Variants in RABGAP1 observed in about 807,000 individuals in gnomAD.
RABGAP1 encodes RAB GTPase activating protein 1.
A neutral mutation model predicts 137.6 loss-of-function variants in RABGAP1; 23 were observed. The ratio of observed to expected loss-of-function variants is 0.17; its 90% confidence interval spans 0.12 to 0.24. The LOEUF (loss-of-function observed/expected upper bound fraction) is 0.24. Among genes scored for constraint, RABGAP1 ranks in the 10% least tolerant of loss-of-function variants. RABGAP1 has a pLI of 1.00. For missense variants in RABGAP1, 906 were observed against 1,275.8 expected (o/e 0.71, Z 4.42); for synonymous variants, 451 against 450.7 (o/e 1.00, Z -0.01).
At chr9:123,063,550 C>T (rs1347265961) in intron 13 of RABGAP1, among the ~76,000 whole-genome samples, 1 of 152,194 alleles carries the variant, frequency 6.6e-6, no homozygotes, top group African/African-American at 2.4e-5. Flanking sequence ...TTATCCTTTG[C>T]CAACACTTCT....
At position 122,974,730 on chromosome 9, in the gene RABGAP1, A is replaced by T. The variant is rs150933094; in HGVS notation, c.151-9755A>T. 2.9e-3 allele frequency among the ~76,000 whole-genome samples: 445 copies of T among 152,348 alleles called. 2 individuals carry two copies. Among genetic ancestry groups the T allele is most frequent in the African/African-American group, 0.01 (421 of 41,588 alleles). On this transcript the variant is annotated intron_variant, in intron 2 of 25. Coordinates refer to ENST00000373647, the MANE Select transcript of RABGAP1 (RefSeq NM_012197.4). The stretch of plus-strand genomic sequence containing the variant: ...CTGTCTTCAGTTGACTTTTCAGGAT[A>T]AATTCACAAGCTGCTGTTCTTTCCC...
intron 13 of RABGAP1, among the ~76,000 whole-genome samples, chr9:123,044,950 G>A (rs1233678653): frequency 6.6e-6 from 1 of 152,104 alleles, no homozygotes. Context: ...AGACTGTAAT[G>A]AAGTGATCTA....
intron 1 of RABGAP1, among the ~76,000 whole-genome samples, chr9:122,950,377 C>CTTTTTTTTTTTTTTTTTTTTTTTTTTTGT (rs200424486): frequency 1.3e-5 from 1 of 74,492 alleles, no homozygotes; most frequent in Non-Finnish European, 2.4e-5. Context: ...CTTTTTCTTT[C>CTTTTTTTTTTTTTTTTTTTTTTTTTTTGT]TTTTTTTTTT....
intron 12 of RABGAP1, 127 bp downstream of exon 12, chr9:123,015,763 C>T (rs1289289807): frequency 3.6e-5 from 21 of 585,286 alleles, no homozygotes; most frequent in Non-Finnish European, 6.2e-5. Context: ...ATTCTGTGAT[C>T]TATTTTAGGG....
At chr9:122,965,175 G>A (rs1053834822) in intron 2 of RABGAP1, among the ~76,000 whole-genome samples, 3 of 152,120 alleles carry the variant, frequency 2.0e-5, no homozygotes, top group African/African-American at 7.2e-5. Context: ...ACTGATACAT[G>A]CTACTACATA....
chr9:123,052,147 C>T (rs1476312729), intron 13 of RABGAP1, among the ~76,000 whole-genome samples: 1 of 151,992 alleles, frequency 6.6e-6, no homozygotes, highest in African/African-American at 2.4e-5. Flanking sequence ...ATTATAACTC[C>T]AACTCAATAC....
chr9:122,963,047 T>G (rs1379207609), intron 2 of RABGAP1, among the ~76,000 whole-genome samples: 1 of 152,066 alleles, frequency 6.6e-6, no homozygotes, highest in Non-Finnish European at 1.5e-5. Flanking sequence ...CAATTACATA[T>G]CTAATAACCA....
chr9:123,080,795 A>G (rs55666488), intron 19 of RABGAP1, among the ~76,000 whole-genome samples: 4,883 of 152,176 alleles, frequency 0.032, 141 homozygotes, highest in Non-Finnish European at 0.039. Context: ...TTGCTCTGCA[A>G]CTCACTGAAA....
At chr9:122,943,033 A>C (rs1469568805) in intron 1 of RABGAP1, among the ~76,000 whole-genome samples, 3 of 146,510 alleles carry the variant, frequency 2.0e-5, no homozygotes, top group Non-Finnish European at 3.0e-5. Context: ...TAAAAAAACA[A>C]CAAAAAATCT....
chr9:122,941,282 C>T (rs914069503), intron 1 of RABGAP1, among the ~76,000 whole-genome samples, 189 bp downstream of exon 1: 1 of 152,156 alleles, frequency 6.6e-6, no homozygotes, highest in Non-Finnish European at 1.5e-5. Flanking sequence ...GGGGGAACTG[C>T]GACGGAGGGG....
chr9:123,016,730 T>C (rs2031257795), intron 12 of RABGAP1, among the ~76,000 whole-genome samples: 1 of 152,184 alleles, frequency 6.6e-6, no homozygotes, highest in Admixed American at 6.5e-5. Context: ...TCAAATAAAC[T>C]CCCTATTGGC....
rs913680955 is a variant in RABGAP1, at chr9:123,070,021, G to A, written c.1909-329G>A. Reference sequence around the variant, plus strand: ...TTTGGTGCCTGAAGGAAGAGTGCATGTTTGAGGCAGAGAGGGAAAGGACAT... The same window carrying A: ...TTTGGTGCCTGAAGGAAGAGTGCATATTTGAGGCAGAGAGGGAAAGGACAT... On this transcript the variant is annotated intron_variant, in intron 14 of 25. Coordinates refer to ENST00000373647, the MANE Select transcript of RABGAP1 (RefSeq NM_012197.4). This position sits in a 1 kb window ranked among gnomAD's most constrained non-coding sequence, Gnocchi z 4.4. Among the ~76,000 whole-genome samples, 3 of 152,198 alleles carry A rather than the reference G, an allele frequency of 2.0e-5. No homozygotes were observed. Among genetic ancestry groups the A allele is most frequent in the Non-Finnish European group, 4.4e-5 (3 of 68,028 alleles).
chr9:123,027,642 G>GAATGTT (rs1324350189), intron 13 of RABGAP1, among the ~76,000 whole-genome samples: 1 of 152,190 alleles, frequency 6.6e-6, no homozygotes, highest in Non-Finnish European at 1.5e-5. Context: ...TAGCAAAAAA[G>GAATGTT]AATGTTGGCC....
chr9:123,086,520 C>G (rs2034871337), intron 19 of RABGAP1, among the ~76,000 whole-genome samples: 1 of 152,120 alleles, frequency 6.6e-6, no homozygotes, highest in Admixed American at 6.5e-5. Flanking sequence ...CTTCTGGTTC[C>G]CCATTCGGGT....
chr9:123,010,619 G>A (rs1255852738), intron 11 of RABGAP1, 91 bp downstream of exon 11: 2 of 1,199,066 alleles, frequency 1.7e-6, no homozygotes, highest in Middle Eastern at 2.2e-4. Context: ...ATGTGATACG[G>A]CATTTATAAT....
chr9:123,025,400 A>G (rs1438318127), intron 13 of RABGAP1, among the ~76,000 whole-genome samples: 6 of 152,190 alleles, frequency 3.9e-5, no homozygotes, highest in Admixed American at 6.5e-5. Flanking sequence ...AAAATCTTTT[A>G]TCCAATCTCA....
At chr9:123,067,939 T>G (rs2034230962) in intron 14 of RABGAP1, among the ~76,000 whole-genome samples, 1 of 152,200 alleles carries the variant, frequency 6.6e-6, no homozygotes, top group Non-Finnish European at 1.5e-5. Flanking sequence ...GCATAATTGG[T>G]GAAGCTCTGT....
At chr9:123,038,544 C>G (rs2032790212) in intron 13 of RABGAP1, among the ~76,000 whole-genome samples, 1 of 152,068 alleles carries the variant, frequency 6.6e-6, no homozygotes, top group South Asian at 2.1e-4. Context: ...TTTAATTTCA[C>G]TGAGTATGTT....
chr9:123,090,242 T>G lies in RABGAP1; in HGVS notation c.2518-33T>G, dbSNP rs377156910. 1.8e-5 allele frequency: 27 copies of G among 1,504,538 alleles called. No individual in the cohort carries two copies. In the African/African-American group the frequency reaches 3.6e-4, roughly 20 times the overall value. The allele number at this position is 1,504,538 out of a possible 1,614,324, so 93.2% of individuals were successfully genotyped here. ...AATTTTCATTTCCATCTGATTTTTA[T>G]GTGTCTGTAACTGGTTTCTTTCTAC... On this transcript the variant is annotated intron_variant, in intron 20 of 25. Transcript: ENST00000373647.
Sources: allele counts gnomAD v4.1 joint callset (sites outside exome capture counted in the v4.1 genomes callset), GRCh38; gene constraint gnomAD v4.1.1; non-coding constraint Gnocchi (gnomAD v3.1); transcripts MANE v1.5; gene names NCBI Gene and HGNC (gene_info 2026-07-23, HGNC 2026-07-21).